Variants in LUZP2 observed in about 807,000 individuals in gnomAD.
LUZP2 encodes leucine zipper protein 2.
Under a neutral mutation model 51.6 loss-of-function variants are expected in LUZP2, and 52 were observed. The ratio of observed to expected loss-of-function variants is 1.01; its 90% CI spans 0.81 to 1.27. The LOEUF (loss-of-function observed/expected upper bound fraction) is 1.27. LUZP2 is among the 50% of genes most tolerant of loss of function. The probability of loss-of-function intolerance (pLI) is 0.00; values close to 1 mark genes in which losing one functional copy is unlikely to be tolerated. For synonymous variants in LUZP2, 154 were observed against 137.3 expected (o/e 1.12, Z -0.85); for missense variants, 436 against 395.4 (o/e 1.10, Z -0.87).
intron 7 of LUZP2, among the ~76,000 whole-genome samples, chr11:24,952,613 G>A (rs1018338180): frequency 4.0e-5 from 6 of 151,626 alleles, no homozygotes; most frequent in Non-Finnish European, 8.9e-5. Flanking sequence ...TGAGAGATTC[G>A]AAAATGTGGT....
At chr11:24,878,674 G>T (rs1852355563) in intron 5 of LUZP2, among the ~76,000 whole-genome samples, 1 of 151,294 alleles carries the variant, frequency 6.6e-6, no homozygotes, top group African/African-American at 2.4e-5. Flanking sequence ...TCAGTTCCGG[G>T]ACACATGTGC....
In LUZP2 at chr11:24,501,956, A is replaced by T. The variant is rs79961677; in HGVS notation, c.62+4651A>T. Reference sequence around the variant, plus strand: ...TTGAAAAGAAAAATATTTTGTGATCAACCTCAATATCCTGCCACACTTACT... The same window carrying T: ...TTGAAAAGAAAAATATTTTGTGATCTACCTCAATATCCTGCCACACTTACT... On this transcript the variant is annotated intron_variant, in intron 1 of 11. Coordinates refer to ENST00000336930, the MANE Select transcript of LUZP2 (RefSeq NM_001009909.4). 6.0e-3 allele frequency among the ~76,000 whole-genome samples: 916 copies of T among 152,314 alleles called. 5 individuals are homozygous for T. The highest frequency in any genetic ancestry group is 0.01 in the Non-Finnish European group (689 of 68,026).
At chr11:24,637,129 C>A (rs1338101024) in intron 1 of LUZP2, among the ~76,000 whole-genome samples, 2 of 151,582 alleles carry the variant, frequency 1.3e-5, no homozygotes, top group African/African-American at 4.9e-5. Context: ...AGAGGATGAG[C>A]AGAGTGTTAG....
At chr11:24,768,830 A>G (rs919185365) in intron 5 of LUZP2, among the ~76,000 whole-genome samples, 2 of 152,230 alleles carry the variant, frequency 1.3e-5, no homozygotes, top group African/African-American at 4.8e-5. Flanking sequence ...ATTATGAACA[A>G]CAATATGAAA....
chr11:24,682,588 G>A (rs1366500266), intron 1 of LUZP2, among the ~76,000 whole-genome samples: 4 of 95,020 alleles, frequency 4.2e-5, no homozygotes, highest in Admixed American at 4.1e-4. Flanking sequence ...ATATATATAT[G>A]TGTGTGTGTG....
intron 7 of LUZP2, among the ~76,000 whole-genome samples, chr11:24,963,580 T>C (rs1246533128): frequency 6.9e-6 from 1 of 145,180 alleles, no homozygotes; most frequent in Non-Finnish European, 1.5e-5. Context: ...ATGTGCGGGA[T>C]ATAATCTCCT....
intron 1 of LUZP2, among the ~76,000 whole-genome samples, chr11:24,593,830 G>A (rs897068652): frequency 1.3e-5 from 2 of 152,112 alleles, no homozygotes; most frequent in Non-Finnish European, 2.9e-5. Context: ...AACTCAAGAG[G>A]AGAACTAAAG....
intron 9 of LUZP2, among the ~76,000 whole-genome samples, chr11:25,047,717 C>A (rs543888254): frequency 1.7e-4 from 26 of 152,126 alleles, no homozygotes; most frequent in African/African-American, 6.0e-4. Flanking sequence ...ATTAGTTTCC[C>A]ACTCTCATTT....
intron 4 of LUZP2, among the ~76,000 whole-genome samples, chr11:24,757,129 T>C (rs993702626): frequency 6.6e-6 from 1 of 152,190 alleles, no homozygotes; most frequent in Non-Finnish European, 1.5e-5. Flanking sequence ...CATGTGTTTG[T>C]GTGTATATCA....
intron 4 of LUZP2, 43 bp from the exon 5 acceptor site, chr11:24,763,203 A>T (rs377547634): frequency 1.2e-6 from 1 of 855,798 alleles, no homozygotes; most frequent in Non-Finnish European, 1.8e-6. Context: ...AGCCATGGTA[A>T]TGAGTTTGGA....
intron 1 of LUZP2, among the ~76,000 whole-genome samples, chr11:24,665,163 G>A (rs1029894649): frequency 2.6e-5 from 4 of 152,184 alleles, no homozygotes; most frequent in Non-Finnish European, 4.4e-5. Context: ...GAAACATGGA[G>A]TCAAAGGAGA....
At chr11:24,816,971 A>C (rs1850202420) in intron 5 of LUZP2, among the ~76,000 whole-genome samples, 1 of 152,090 alleles carries the variant, frequency 6.6e-6, no homozygotes, top group Non-Finnish European at 1.5e-5. Flanking sequence ...ATTTTAAGAC[A>C]TAACCCATTA....
intron 5 of LUZP2, among the ~76,000 whole-genome samples, chr11:24,896,217 C>T (rs1853042026): frequency 6.6e-6 from 1 of 152,244 alleles, no homozygotes; most frequent in African/African-American, 2.4e-5. Context: ...TCCGCCACTG[C>T]ACTGTGGGGG....
chr11:25,059,563 G>A (rs1253422513), intron 10 of LUZP2, among the ~76,000 whole-genome samples: 1 of 152,172 alleles, frequency 6.6e-6, no homozygotes, highest in African/African-American at 2.4e-5. Flanking sequence ...AAAACCTTCT[G>A]AAGCATTTGA....
At chr11:24,900,969 A>G (rs1853261595) in intron 5 of LUZP2, among the ~76,000 whole-genome samples, 1 of 152,052 alleles carries the variant, frequency 6.6e-6, no homozygotes, top group Non-Finnish European at 1.5e-5. Flanking sequence ...ACCTTTCTCT[A>G]ATGTTAAACT....
At chr11:24,948,827 CTA>C (rs1854980435) in intron 7 of LUZP2, among the ~76,000 whole-genome samples, 2 of 6,138 alleles carry the variant, frequency 3.3e-4, no homozygotes, top group South Asian at 0.02. Flanking sequence ...TATCTATCAT[CTA>C]TCTATCTATC....
At chr11:24,536,160 T>G (rs954296752) in intron 1 of LUZP2, among the ~76,000 whole-genome samples, 2 of 151,784 alleles carry the variant, frequency 1.3e-5, no homozygotes, top group Admixed American at 1.3e-4. Context: ...TTTTTGTATT[T>G]TTAACATGCC....
At chr11:24,737,076 T>C (rs1193892039) in intron 3 of LUZP2, among the ~76,000 whole-genome samples, 1 of 152,082 alleles carries the variant, frequency 6.6e-6, no homozygotes, top group Non-Finnish European at 1.5e-5. Context: ...CTTATGGTTG[T>C]GTAGAACATC....
At chr11:24,694,029 G>A (rs1402172705) in intron 1 of LUZP2, among the ~76,000 whole-genome samples, 1 of 151,794 alleles carries the variant, frequency 6.6e-6, no homozygotes, top group Non-Finnish European at 1.5e-5. Context: ...AATTCAGAGA[G>A]CAATTTGGAA....
Sources: allele counts gnomAD v4.1 joint callset (sites outside exome capture counted in the v4.1 genomes callset), GRCh38; gene constraint gnomAD v4.1.1; transcripts MANE v1.5; gene names NCBI Gene and HGNC (gene_info 2026-07-23, HGNC 2026-07-21).